The following DOCK9 variants were observed in gnomAD, a reference collection of about 807,000 sequenced individuals.
DOCK9 encodes dedicator of cytokinesis protein 9.
DOCK9 carries 89 observed loss-of-function variants against 263.3 expected under a neutral mutation model. The observed-to-expected ratio is 0.34, with a 90% confidence interval of 0.28 to 0.40. The LOEUF is 0.40. Ranked by LOEUF, DOCK9 falls within the 10% of genes least tolerant of loss-of-function variation. The pLI, the probability that DOCK9 is intolerant of heterozygous loss-of-function variation, is 1.00. For synonymous variants in DOCK9, 976 were observed against 973.1 expected (o/e 1.00, Z -0.06); for missense variants, 2,140 against 2,603.4 (o/e 0.82, Z 3.87).
At chr13:98,846,654 T>G in intron 37 of DOCK9, 2 of 906,640 alleles carry the variant, frequency 2.2e-6, no homozygotes, top group Non-Finnish European at 3.2e-6. Flanking sequence ...CAGATGAAAA[T>G]GAGACCAGGG....
intron 49 of DOCK9, among the ~76,000 whole-genome samples, chr13:98,804,280 C>T (rs568922512): frequency 1.3e-5 from 2 of 152,284 alleles, no homozygotes; most frequent in African/African-American, 2.4e-5. Context: ...CCAGTGATGT[C>T]GCTGACCCTA....
chr13:99,021,366 G>A (rs1052444545), intron 1 of DOCK9, among the ~76,000 whole-genome samples: 5 of 152,210 alleles, frequency 3.3e-5, no homozygotes, highest in Admixed American at 6.5e-5. Context: ...AAGGCCAGGC[G>A]TGGTGGCTCA....
exon 1 of DOCK9, chr13:99,086,373 G>T: frequency 8.3e-7 from 1 of 1,203,374 alleles, no homozygotes; most frequent in Non-Finnish European, 1.0e-6. Context: ...CGCCGCCTCC[G>T]CCTCCGCCTG....
intron 45 of DOCK9, among the ~76,000 whole-genome samples, chr13:98,823,813 A>C (rs9517458): frequency 0.028 from 4,203 of 152,340 alleles, 69 homozygotes; most frequent in South Asian, 0.069. Context: ...TGGAATTTGC[A>C]GACATTGCTA....
rs532160078 is a variant in DOCK9 at position 98,890,405 on chromosome 13, C to T, written c.1710-1694G>A. ...TTCACAGGCTACCACAGCACCCACA[C>T]GTGGTAAATACATTCTGCTGAAGCC... On this transcript the variant is annotated intron_variant, in intron 15 of 52. Coordinates refer to ENST00000682017, the MANE Select transcript of DOCK9 (RefSeq NM_001366683.2). Among the ~76,000 whole-genome samples, 19 of 152,300 alleles carry T rather than the reference C, an allele frequency of 1.2e-4. 1 individual carries two copies. In the South Asian group the frequency reaches 2.3e-3, roughly 18 times the overall value.
chr13:98,973,345 A>G (rs969532075), intron 1 of DOCK9, among the ~76,000 whole-genome samples: 6 of 152,136 alleles, frequency 3.9e-5, no homozygotes, highest in African/African-American at 1.4e-4. Context: ...CAGGGATAGG[A>G]AAGATTTTCT....
At chr13:98,989,313 AATAATGATG>A (rs1879210219) in intron 1 of DOCK9, among the ~76,000 whole-genome samples, 1 of 111,006 alleles carries the variant, frequency 9.0e-6, no homozygotes, top group African/African-American at 3.2e-5. Context: ...GAAAATTAAT[AATAATGATG>A]ATGATGATGA....
chr13:98,962,909 C>T (rs1219424944), intron 1 of DOCK9, among the ~76,000 whole-genome samples: 2 of 152,150 alleles, frequency 1.3e-5, no homozygotes, highest in Admixed American at 6.5e-5. Flanking sequence ...GCACTTCTGA[C>T]CCCCTCCCAT....
chr13:98,960,615 A>G (rs964578920), intron 1 of DOCK9, among the ~76,000 whole-genome samples: 3 of 152,232 alleles, frequency 2.0e-5, no homozygotes, highest in African/African-American at 7.2e-5. Context: ...AGGGAGAGGT[A>G]GTACCTTCAG....
chr13:98,955,914 G>A (rs1406574926), intron 1 of DOCK9, among the ~76,000 whole-genome samples: 3 of 152,232 alleles, frequency 2.0e-5, no homozygotes, highest in Non-Finnish European at 2.9e-5. Context: ...GAGGCCAGAT[G>A]CCCAGAACGG....
rs1489617537 is a variant in DOCK9, at chr13:98,903,109, G to C, written c.1039C>G (p.Leu347Val). 6 of 1,499,902 alleles carry C rather than the reference G, an allele frequency of 4.0e-6. No homozygotes were observed. In the African/African-American group the frequency reaches 7.2e-5, roughly 18 times the overall value. 92.9% of individuals were successfully genotyped at this position (1,499,902 alleles called of 1,614,324 possible). A position where few individuals can be genotyped will look rare whatever the true frequency, so the allele number is the denominator to read the frequency against. ...LFYLDPDAQK[L>V]DFSSAEPEVK... ...TCTGGCTCAGCTGATGAGAAGTCAA[G>C]CTTCTTTAAAAGAAAATGTAAACAT... Residue 347 changes from leucine to valine, a missense_variant, in exon 11 of 53, where the codon CTT becomes GTT. Physicochemically the swap from Leu to Val is conservative, Grantham distance 32. This residue lies in a region of DOCK9 where 1,521 missense variants were observed against 1,741.7 expected (regional missense o/e 0.87). Transcript: ENST00000682017.
At chr13:98,848,493 G>T in intron 37 of DOCK9, 99 bp downstream of exon 37, 1 of 1,306,260 alleles carries the variant, frequency 7.7e-7, no homozygotes, top group Non-Finnish European at 1.1e-6. Context: ...CCGCTTCCAT[G>T]AACCCCAACT....
chr13:98,820,967 C>T (rs963943359), intron 45 of DOCK9, among the ~76,000 whole-genome samples: 9 of 152,212 alleles, frequency 5.9e-5, no homozygotes, highest in Non-Finnish European at 8.8e-5. Flanking sequence ...TTGCCTGGTT[C>T]GGCCTCAGCT....
rs1595878463 is a variant in DOCK9 at position 99,002,409 on chromosome 13, T to A, written c.130-46858A>T. ...TGAGCTTCTCAGGCTTCCTTGAGCATCACAGAACACACTACTCCCTTCAGG... is the reference window on the plus strand; with the variant it reads ...TGAGCTTCTCAGGCTTCCTTGAGCAACACAGAACACACTACTCCCTTCAGG... On this transcript the variant is annotated intron_variant, in intron 1 of 32. Coordinates refer to the DOCK9 transcript ENST00000427887. 3.3e-5 allele frequency among the ~76,000 whole-genome samples: 5 copies of A among 152,230 alleles called. No individual in the cohort carries two copies. In the South Asian group the frequency reaches 1.0e-3, roughly 32 times the overall value.
intron 1 of DOCK9, among the ~76,000 whole-genome samples, chr13:99,056,417 T>C (rs1422117291): frequency 6.6e-6 from 1 of 152,176 alleles, no homozygotes; most frequent in Non-Finnish European, 1.5e-5. Context: ...TGCAAAAGTA[T>C]TATAAAGATA....
In DOCK9 at chr13:98,902,328, T is replaced by C. The variant is rs1435966174; in HGVS notation, c.1340A>G (p.Lys447Arg). 6.2e-7 allele frequency: 1 copy of C among 1,613,972 alleles called. No homozygotes were observed. Among genetic ancestry groups the C allele is most frequent in the South Asian group, 1.1e-5 (1 of 91,092 alleles). The change falls in exon 12 of 53, where the codon AAG becomes AGG. Residue 447 changes from lysine to arginine, a missense_variant. Transcript: ENST00000682017. ...CATGGCGGCTTCATGAAGGATGCCC[T>C]TGAGGACAGATGGGCTCTGCCCACT... ...NGSGQSPSVLKGILHEAAMQY... is the reference protein window; with the variant it reads ...NGSGQSPSVLRGILHEAAMQY...
At chr13:98,950,225 G>C (rs1332574099) in intron 2 of DOCK9, 2 of 1,054,182 alleles carry the variant, frequency 1.9e-6, no homozygotes, top group Non-Finnish European at 2.7e-6. Context: ...AAGGCATGAG[G>C]TTTCACTTCT....
intron 45 of DOCK9, among the ~76,000 whole-genome samples, chr13:98,818,969 A>G (rs2140490012): frequency 6.6e-6 from 1 of 152,332 alleles, no homozygotes; most frequent in African/African-American, 2.4e-5. Context: ...AACCTTACCT[A>G]TGAAGCTAGA....
Position 98,829,256 on chromosome 13 carries a change from G to C in DOCK9, c.4965+51C>G. ...AAAACTGGCTTTTTAAGTGAATGGG[G>C]CCTCACTGGTTTTTTCAAAAACCCA... On this transcript the variant is annotated intron_variant, in intron 43 of 52. Transcript: ENST00000682017. The surrounding 1 kb of genome is among the most constrained non-coding windows in gnomAD (Gnocchi z 4.1). 2.7e-6 allele frequency: 4 copies of C among 1,509,426 alleles called. No homozygotes were observed. In the Admixed American group the frequency reaches 7.7e-5, roughly 29 times the overall value. The allele number at this position is 1,509,426 out of a possible 1,614,324, so 93.5% of individuals were successfully genotyped here.
Sources: allele counts gnomAD v4.1 joint callset (sites outside exome capture counted in the v4.1 genomes callset), GRCh38; gene constraint gnomAD v4.1.1; regional missense constraint gnomAD v4.1.1; non-coding constraint Gnocchi (gnomAD v3.1); transcripts MANE v1.5; gene names NCBI Gene and HGNC (gene_info 2026-07-23, HGNC 2026-07-21).